ZNF574: variants seen among roughly 807,000 people sequenced by gnomAD.
The protein encoded by ZNF574 is zinc finger protein 574.
In ZNF574, 25 loss-of-function variants were observed where a neutral mutation model predicts 56.6. The observed-to-expected ratio is 0.44, with a 90% confidence interval of 0.32 to 0.62. The LOEUF (loss-of-function observed/expected upper bound fraction) is 0.62, where lower values mean the gene tolerates loss of function less well. Among genes scored for constraint, ZNF574 ranks in the 20% least tolerant of loss-of-function variants. ZNF574 has a pLI of 0.04. For synonymous variants in ZNF574, 543 were observed against 492.1 expected (o/e 1.10, Z -1.37); for missense variants, 1,065 against 1,218.9 (o/e 0.87, Z 1.88).
rs370755159 is a variant in ZNF574, at chr19:42,081,476, G to T, written c.*179G>T. ...CTCTGGGGTCCTTGACACACATAAA[G>T]GTGCCCCCCCACCTTCCACCTCTTA... On this transcript the variant is annotated 3_prime_UTR_variant, in exon 2 of 2. Transcript: ENST00000359044. The T allele has an allele frequency of 1.1e-5, 9 of 787,416 alleles. No homozygotes were observed. In the East Asian group the frequency reaches 1.3e-4, roughly 12 times the overall value. 48.8% of individuals were successfully genotyped at this position (787,416 alleles called of 1,614,324 possible).
At position 42,080,982 on chromosome 19, in the gene ZNF574, G is replaced by A. The variant is rs770493391; in HGVS notation, c.2376G>A (p.Arg792=). 9.9e-6 allele frequency: 16 copies of A among 1,614,100 alleles called. No homozygotes were observed. In the Middle Eastern group the frequency reaches 4.9e-4, roughly 50 times the overall value. The part of the protein sequence containing the change: ...KDHRRLHTGE[R]PFACEVCGKA... Reference sequence around the variant, plus strand: ...ACCGGCGCCTGCACACAGGTGAGCGGCCCTTTGCCTGTGAAGTGTGTGGCA... The same window carrying A: ...ACCGGCGCCTGCACACAGGTGAGCGACCCTTTGCCTGTGAAGTGTGTGGCA... The change falls in exon 2 of 2, where the codon CGG becomes CGA. Residue 792 remains arginine, a synonymous_variant. Coordinates refer to ENST00000359044, the MANE Select transcript of ZNF574 (RefSeq NM_022752.6). The surrounding 1 kb of genome is among the most constrained non-coding windows in gnomAD (Gnocchi z 8.5).
In ZNF574 at chr19:42,068,862, CG is replaced by C; in HGVS notation, c.152del (p.Arg51ProfsTer5). 1.5e-6 allele frequency: 1 copy of C among 682,478 alleles called. No individual in the cohort carries two copies. The highest frequency in any genetic ancestry group is 2.1e-5 in the Admixed American group (1 of 47,990). 42.3% of individuals were successfully genotyped at this position (682,478 alleles called of 1,614,324 possible). A position where few individuals can be genotyped will look rare whatever the true frequency, so the allele number is the denominator to read the frequency against. ...GGGTGGGGACAGGGCCAAGGCCCACCGCAGGCAGAGGATGAGGCTCAGAGGA... is the reference window on the plus strand; with the variant it reads ...GGGTGGGGACAGGGCCAAGGCCCACCCAGGCAGAGGATGAGGCTCAGAGGA... On this transcript the variant is annotated frameshift_variant, in exon 1 of 2. Coordinates refer to the ZNF574 transcript ENST00000222339. LOFTEE classifies it high-confidence loss of function.
In ZNF574 at chr19:42,079,964, C is replaced by G. The variant is rs2076485533; in HGVS notation, c.1358C>G (p.Ser453Cys). The change falls in exon 2 of 2, where the codon TCT (serine) becomes TGT (cysteine). Residue 453 changes from serine (S) to cysteine (C), a missense_variant. Transcript: ENST00000359044. This position sits in a 1 kb window ranked among gnomAD's most constrained non-coding sequence, Gnocchi z 4.3. ...CCAGAGGCCCCTGAGCCCCCTGTGTCTGAGGAGACCTCAGCAGGGCCCGCT... is the reference window on the plus strand; with the variant it reads ...CCAGAGGCCCCTGAGCCCCCTGTGTGTGAGGAGACCTCAGCAGGGCCCGCT... ...GEPEAPEPPVSEETSAGPAAP... is the reference protein window; with the variant it reads ...GEPEAPEPPVCEETSAGPAAP... The G allele has an allele frequency of 1.2e-6, 2 of 1,613,790 alleles. No individual in the cohort carries two copies. The highest frequency in any genetic ancestry group is 1.7e-5 in the Admixed American group (1 of 60,002).
At position 42,078,768 on chromosome 19, in the gene ZNF574, C is replaced by A. The variant is rs1025678299; in HGVS notation, c.162C>A (p.Val54=). 3 of 1,613,982 alleles carry A rather than the reference C, an allele frequency of 1.9e-6. No individual in the cohort carries two copies. Among genetic ancestry groups the A allele is most frequent in the Non-Finnish European group, 2.5e-6 (3 of 1,179,986 alleles). ...TGGTGGGCGTGGCTGATCCCGGAGT[C>A]ACTGTGGCCACAGACACAGCTTCAG... The part of the protein sequence containing the change: ...FELVGVADPG[V]TVATDTASGT... Residue 54 remains valine, a synonymous_variant, in exon 2 of 2, where the codon GTC becomes GTA. Coordinates refer to ENST00000359044, the MANE Select transcript of ZNF574 (RefSeq NM_022752.6).
At chr19:42,074,008 C>G (rs1051915593), upstream of ZNF574, among the ~76,000 whole-genome samples, 1 of 151,684 alleles carries the variant, frequency 6.6e-6, no homozygotes, top group Non-Finnish European at 1.5e-5. Context: ...TGGTGTCTGC[C>G]TGTAGTCCCA....
In ZNF574 at chr19:42,080,901, A is replaced by G. The variant is rs74727158; in HGVS notation, c.2295A>G (p.Pro765=). 2.4e-5 allele frequency: 39 copies of G among 1,613,810 alleles called. No homozygotes were observed. In the African/African-American group the frequency reaches 4.5e-4, roughly 19 times the overall value. The change falls in exon 2 of 2, where the codon CCA becomes CCG. Residue 765 remains proline (P), a synonymous_variant. Transcript: ENST00000359044. This position sits in a 1 kb window ranked among gnomAD's most constrained non-coding sequence, Gnocchi z 8.5. ...VHRRIHTGER[P]YPCPDCGKAF... ...GGCGCATCCACACAGGTGAGCGGCCATACCCATGTCCAGACTGTGGCAAAG... is the reference window on the plus strand; with the variant it reads ...GGCGCATCCACACAGGTGAGCGGCCGTACCCATGTCCAGACTGTGGCAAAG...
Position 42,078,752 on chromosome 19 carries a change from T to A in ZNF574, c.146T>A (p.Val49Glu). The change falls in exon 2 of 2, where the codon GTG becomes GAG. Residue 49 changes from valine (V) to glutamate (E), a missense_variant. Val to Glu is a moderately radical substitution (Grantham distance 121, BLOSUM62 -2). Transcript: ENST00000359044. ...CAGCAGCACTTTGAGCTGGTGGGCG[T>A]GGCTGATCCCGGAGTCACTGTGGCC... Reference protein sequence around the residue: ...VPQQHFELVGVADPGVTVATD... With the variant: ...VPQQHFELVGEADPGVTVATD... 1 of 1,614,014 alleles carries A rather than the reference T, an allele frequency of 6.2e-7. No individual in the cohort carries two copies. Among genetic ancestry groups the A allele is most frequent in the Non-Finnish European group, 8.5e-7 (1 of 1,179,956 alleles).
At chr19:42,076,048 A>C (rs1041054521), upstream of ZNF574, 4 of 152,296 alleles carry the variant, frequency 2.6e-5, no homozygotes, top group African/African-American at 4.8e-5. Flanking sequence ...CCTCAGAGAC[A>C]TGAACGTCGA....
Position 42,078,718 on chromosome 19 carries a change from C to A in ZNF574, c.112C>A (p.His38Asn). 2.5e-6 allele frequency: 4 copies of A among 1,614,128 alleles called. No homozygotes were observed. Among genetic ancestry groups the A allele is most frequent in the Non-Finnish European group, 3.4e-6 (4 of 1,179,992 alleles). The stretch of plus-strand genomic sequence containing the variant: ...AGAGGTGCTTATGCACCAAAACTCC[C>A]ACGTGCCCCAGCAGCACTTTGAGCT... ...LEEVLMHQNS[H>N]VPQQHFELVG... Residue 38 changes from histidine (H) to asparagine (N), a missense_variant, in exon 2 of 2, where the codon CAC becomes AAC. Transcript: ENST00000359044.
chr19:42,079,876 C>T lies in ZNF574; in HGVS notation c.1270C>T (p.Pro424Ser). ...AGGGGGTGTCCCTCTGCCCACAACA[C>T]CAGTCCCACCAGAGGAACCTGTCAT... ...GVGGVPLPTT[P>S]VPPEEPVIGF... Residue 424 changes from proline to serine, a missense_variant, in exon 2 of 2, where the codon CCA becomes TCA. By Grantham distance (74) the Pro-to-Ser change is moderately conservative (BLOSUM62 -1). Transcript: ENST00000359044. The surrounding 1 kb of genome is among the most constrained non-coding windows in gnomAD (Gnocchi z 4.3). 6.2e-7 allele frequency: 1 copy of T among 1,614,148 alleles called. No homozygotes were observed.
chr19:42,081,276 G>A lies in ZNF574; in HGVS notation c.2670G>A (p.Glu890=). 1 of 1,614,120 alleles carries A rather than the reference G, an allele frequency of 6.2e-7. No individual in the cohort carries two copies. The change falls in exon 2 of 2, where the codon GAG becomes GAA. Residue 890 remains glutamate, a synonymous_variant. Transcript: ENST00000359044. Reference sequence around the variant, plus strand: ...AGATCTACCCTCTGGCCGAGGCTGAGGGGGTCCAGATCAGTGGCTGACTCT... The same window carrying A: ...AGATCTACCCTCTGGCCGAGGCTGAAGGGGTCCAGATCAGTGGCTGACTCT... The part of the protein sequence containing the change: ...AIEIYPLAEA[E]GVQISG
At chr19:42,077,835 G>A (rs1470536432) in intron 1 of ZNF574, among the ~76,000 whole-genome samples, 2 of 152,100 alleles carry the variant, frequency 1.3e-5, no homozygotes, top group African/African-American at 4.8e-5. Context: ...AGGAGGTTAA[G>A]TAATTAAACA....
upstream of ZNF574, among the ~76,000 whole-genome samples, chr19:42,071,270 T>TG (rs1336545246): frequency 8.7e-5 from 1 of 11,514 alleles, no homozygotes; most frequent in African/African-American, 3.9e-4. Flanking sequence ...GATCTTGGAG[T>TG]GGGGGTGGGT....
exon 1 of ZNF574, chr19:42,068,719 GAGCAAC>G (rs1221923496): frequency 2.0e-6 from 1 of 493,738 alleles, no homozygotes; most frequent in Non-Finnish European, 3.6e-6. Flanking sequence ...GACATGCCGA[GAGCAAC>G]CTGGGCTAAC....
chr19:42,075,764 C>T (rs1291984323), upstream of ZNF574, among the ~76,000 whole-genome samples: 1 of 152,002 alleles, frequency 6.6e-6, no homozygotes, highest in African/African-American at 2.4e-5. Context: ...GGCTCTTTTC[C>T]TCCCTCTCCC....
upstream of ZNF574, among the ~76,000 whole-genome samples, chr19:42,071,619 C>T (rs957440731): frequency 6.6e-6 from 1 of 152,174 alleles, no homozygotes; most frequent in Non-Finnish European, 1.5e-5. Context: ...ACACCGCCCC[C>T]TCAAACATCC....
upstream of ZNF574, chr19:42,075,339 T>C (rs2076448201): frequency 6.6e-6 from 1 of 151,892 alleles, no homozygotes; most frequent in South Asian, 2.1e-4. Flanking sequence ...TGGAGTGGAG[T>C]CCGCCCGTTA....
rs1374400613 is a variant in ZNF574 at position 42,076,255 on chromosome 19, C to CGGGCCCGG, written c.-49_-42dup. 6.6e-6 allele frequency: 1 copy of CGGGCCCGG among 152,118 alleles called. No individual in the cohort carries two copies. The highest frequency in any genetic ancestry group is 1.5e-5 in the Non-Finnish European group (1 of 68,070). 9.4% of individuals were successfully genotyped at this position (152,118 alleles called of 1,614,324 possible). A position where few individuals can be genotyped will look rare whatever the true frequency, so the allele number is the denominator to read the frequency against. Reference sequence around the variant, plus strand: ...TGGCCGTGCAAGGGGAGCCGTGGCCCGGGCCCGGGGCGTGCGAGACGGCGG... The same window carrying CGGGCCCGG: ...TGGCCGTGCAAGGGGAGCCGTGGCCCGGGCCCGGGGGCCCGGGGCGTGCGAGACGGCGG... On this transcript the variant is annotated 5_prime_UTR_variant, in exon 1 of 2. Coordinates refer to ENST00000359044, the MANE Select transcript of ZNF574 (RefSeq NM_022752.6).
upstream of ZNF574, among the ~76,000 whole-genome samples, chr19:42,071,203 T>G (rs940254307): frequency 3.3e-5 from 5 of 149,846 alleles, no homozygotes; most frequent in African/African-American, 1.2e-4. Flanking sequence ...GGGAACACCC[T>G]GCAGCCTCTC....
Sources: allele counts gnomAD v4.1 joint callset (sites outside exome capture counted in the v4.1 genomes callset), GRCh38; gene constraint gnomAD v4.1.1; non-coding constraint Gnocchi (gnomAD v3.1); transcripts MANE v1.5; gene names NCBI Gene and HGNC (gene_info 2026-07-23, HGNC 2026-07-21).